Variants in RRP12 observed in about 807,000 individuals in gnomAD.
RRP12 encodes the protein ribosomal RNA processing 12 homolog.
RRP12 carries 78 observed loss-of-function variants against 157.3 expected under a neutral mutation model. That is an observed-to-expected ratio of 0.50 (90% CI 0.41 to 0.60). The LOEUF (loss-of-function observed/expected upper bound fraction) is 0.60, where lower values mean the gene tolerates loss of function less well. Among genes scored for constraint, RRP12 ranks in the 20% least tolerant of loss-of-function variants. The probability of loss-of-function intolerance (pLI) is 0.00; values close to 1 mark genes in which losing one functional copy is unlikely to be tolerated. For missense variants in RRP12, 1,521 were observed against 1,679.9 expected, an observed-to-expected ratio of 0.91 and a Z score of 1.65; for synonymous variants, 726 against 670.9, an observed-to-expected ratio of 1.08 and a Z score of -1.27.
chr10:97,388,350 T>G lies in RRP12; in HGVS notation c.919A>C (p.Met307Leu). The change falls in exon 8 of 34, where the codon ATG (methionine) becomes CTG (leucine). Residue 307 changes from methionine to leucine, a missense_variant. Physicochemically the swap from Met to Leu is conservative, Grantham distance 15 (BLOSUM62 2). Coordinates refer to ENST00000370992, the MANE Select transcript of RRP12 (RefSeq NM_015179.4). ...GSKEATTTLH[M>L]LTLLKDLLPC... is the part of the protein sequence containing the mutation. Reference sequence around the variant, plus strand: ...AGCAGGTCCTTCAGCAGCGTCAGCATGTGCAGCGTGGTGGTGGCCTCCTTG... The same window carrying G: ...AGCAGGTCCTTCAGCAGCGTCAGCAGGTGCAGCGTGGTGGTGGCCTCCTTG... 4 of 1,613,948 alleles carry G rather than the reference T, an allele frequency of 2.5e-6. No individual in the cohort carries two copies. The highest frequency in any genetic ancestry group is 3.4e-6 in the Non-Finnish European group (4 of 1,179,988).
At position 97,357,584 on chromosome 10, in the gene RRP12, A is replaced by G. The variant is rs867355273; in HGVS notation, c.3792-388T>C. ...CCAAAGCAGTCCTACACATAACCCA[A>G]TTTAAGGGCCAAAGTCGGAAACAAC... On this transcript the variant is annotated intron_variant, in intron 33 of 33. Transcript: ENST00000370992. 5.9e-5 allele frequency among the ~76,000 whole-genome samples: 9 copies of G among 152,310 alleles called. No individual in the cohort carries two copies. In the Middle Eastern group the frequency reaches 0.014, roughly 230 times the overall value.
At chr10:97,357,642 G>A (rs987919906) in intron 33 of RRP12, among the ~76,000 whole-genome samples, 1 of 152,164 alleles carries the variant, frequency 6.6e-6, no homozygotes, top group Non-Finnish European at 1.5e-5. Flanking sequence ...GATTAGAAAA[G>A]CAAATTATAC....
Position 97,369,542 on chromosome 10 carries a change from A to G in RRP12, c.2838T>C (p.Asn946=), listed in dbSNP as rs767704853. ...GTSTVEQLLE[N]VCLLLASRTR... is the part of the protein sequence containing the mutation. ...TGCGGGAGGCCAGAAGCAGGCACAC[A>G]TTCTCCAGCAGCTGCTCCACTGTAC... The change falls in exon 25 of 34, where the codon AAT becomes AAC. Residue 946 remains asparagine (N), a synonymous_variant. Coordinates refer to ENST00000370992, the MANE Select transcript of RRP12 (RefSeq NM_015179.4). The G allele has an allele frequency of 2.5e-6, 4 of 1,582,746 alleles. No individual in the cohort carries two copies. In the African/African-American group the frequency reaches 4.0e-5, roughly 16 times the overall value.
chr10:97,373,030 C>G lies in RRP12; in HGVS notation c.2181+16G>C. 6.2e-7 allele frequency: 1 copy of G among 1,600,544 alleles called. No individual in the cohort carries two copies. Among genetic ancestry groups the G allele is most frequent in the South Asian group, 1.1e-5 (1 of 89,928 alleles). On this transcript the variant is annotated intron_variant, in intron 18 of 33. Coordinates refer to ENST00000370992, the MANE Select transcript of RRP12 (RefSeq NM_015179.4). ...GAGCTCCCCTCCTCCCTCCTTCCCTCCCTTCCGTGGCTCACCTGAGTGTCA... is the reference window on the plus strand; with the variant it reads ...GAGCTCCCCTCCTCCCTCCTTCCCTGCCTTCCGTGGCTCACCTGAGTGTCA...
At chr10:97,400,631 AC>A (rs1358077579) in intron 1 of RRP12, 97 bp from the exon 2 acceptor site, 1 of 928,906 alleles carries the variant, frequency 1.1e-6, no homozygotes, top group Non-Finnish European at 1.6e-6. Context: ...CAAATCTCCA[AC>A]CCGAGAGGCT....
rs766134739 is a variant in RRP12, at chr10:97,372,775, C to T, written c.2210G>A (p.Ser737Asn). The change falls in exon 19 of 34, where the codon AGT becomes AAT. Residue 737 changes from serine (S) to asparagine (N), a missense_variant. By Grantham distance (46) the Ser-to-Asn change is conservative. Transcript: ENST00000370992. Reference sequence around the variant, plus strand: ...GCTGGCAGGGTCGAGCACCTTCTCACTGGCTTTTTCCAGGAGACTGTTCAC... The same window carrying T: ...GCTGGCAGGGTCGAGCACCTTCTCATTGGCTTTTTCCAGGAGACTGTTCAC... ...QLVNSLLEKA[S>N]EKVLDPASSD... The T allele has an allele frequency of 1.9e-6, 3 of 1,563,872 alleles. No homozygotes were observed. Among genetic ancestry groups the T allele is most frequent in the Non-Finnish European group, 2.6e-6 (3 of 1,153,538 alleles).
intron 2 of RRP12, among the ~76,000 whole-genome samples, chr10:97,399,125 T>C (rs974750751): frequency 1.3e-5 from 2 of 151,636 alleles, no homozygotes; most frequent in East Asian, 1.9e-4. Context: ...AACAGAAAAT[T>C]AGCCGGGCAT....
At position 97,366,532 on chromosome 10, in the gene RRP12, C is replaced by A; in HGVS notation, c.3305G>T (p.Arg1102Leu). 6.2e-7 allele frequency: 1 copy of A among 1,614,158 alleles called. No homozygotes were observed. The highest frequency in any genetic ancestry group is 8.5e-7 in the Non-Finnish European group (1 of 1,180,042). Residue 1102 changes from arginine to leucine, a missense_variant, in exon 28 of 34, where the codon CGA becomes CTA. Coordinates refer to ENST00000370992, the MANE Select transcript of RRP12 (RefSeq NM_015179.4). ...TTTCAGCCATGCCCGGCTCCTCTGT[C>A]GTGCCAGCTTCCGCTGCTCCTTGCC... ...SRGKEQRKLA[R>L]QRSRAWLKEG...
chr10:97,363,740 C>T, intron 30 of RRP12, 114 bp downstream of exon 30: 1 of 968,964 alleles, frequency 1.0e-6, no homozygotes, highest in African/African-American at 1.6e-5. Flanking sequence ...TGAGGATGCA[C>T]CGAGCATTCC....
Position 97,400,525 on chromosome 10 carries a change from T to G in RRP12, c.149A>C (p.Asp50Ala). Residue 50 changes from aspartate to alanine, a missense_variant, in exon 2 of 34, where the codon GAC (aspartate) becomes GCC (alanine). Physicochemically the swap from Asp to Ala is moderately radical, Grantham distance 126. Transcript: ENST00000370992. ...RFFSRPSGRS[D>A]LTVDAVKLHN... is the part of the protein sequence containing the mutation. ...TAACTTCACAGCATCGACTGTCAGG[T>G]CACTCCTTCCTGAGAGCCAGAGGCA... is the stretch of plus-strand genomic sequence containing the variant. 1 of 1,613,352 alleles carries G rather than the reference T, an allele frequency of 6.2e-7. No homozygotes were observed. The highest frequency in any genetic ancestry group is 1.3e-5 in the African/African-American group (1 of 74,990).
chr10:97,363,928 T>A, intron 29 of RRP12, 25 bp from the exon 30 acceptor site: 1 of 1,611,632 alleles, frequency 6.2e-7, no homozygotes, highest in Non-Finnish European at 8.5e-7. Flanking sequence ...GAGAGGCCCA[T>A]GAGCGCTGTG....
At chr10:97,360,674 G>T in intron 30 of RRP12, 56 bp from the exon 31 acceptor site, 1 of 1,346,228 alleles carries the variant, frequency 7.4e-7, no homozygotes, top group Non-Finnish European at 1.1e-6. Flanking sequence ...CCCACCCTCG[G>T]GAATGCCAAC....
At chr10:97,365,922 G>A (rs991077111) in intron 29 of RRP12, 186 bp downstream of exon 29, 3 of 720,806 alleles carry the variant, frequency 4.2e-6, no homozygotes, top group Admixed American at 2.6e-5. Context: ...TTGTATAAAT[G>A]GCTCGGTTAC....
chr10:97,365,873 A>G, intron 29 of RRP12: 1 of 552,980 alleles, frequency 1.8e-6, no homozygotes, highest in Non-Finnish European at 3.2e-6. Context: ...AGTAAGGGGA[A>G]GTACCATTTC....
At chr10:97,391,668 TC>T (rs1844807209) in intron 4 of RRP12, among the ~76,000 whole-genome samples, 1 of 152,186 alleles carries the variant, frequency 6.6e-6, no homozygotes, top group African/African-American at 2.4e-5. Flanking sequence ...ACGCCTGTAA[TC>T]CCAGCAGTTT....
rs1400343421 is a variant in RRP12, at chr10:97,372,120, C to T, written c.2296G>A (p.Glu766Lys). ...LVVALAPCADEAAISKLYSTI... is the reference protein window; with the variant it reads ...LVVALAPCADKAAISKLYSTI... Reference sequence around the variant, plus strand: ...GAGTATAGCTTACTGATGGCAGCTTCGTCAGCACACGGAGCCAAGGCCACG... The same window carrying T: ...GAGTATAGCTTACTGATGGCAGCTTTGTCAGCACACGGAGCCAAGGCCACG... The change falls in exon 20 of 34, where the codon GAA becomes AAA. Residue 766 changes from glutamate (E) to lysine (K), a missense_variant. Physicochemically the swap from Glu to Lys is moderately conservative, Grantham distance 56 (BLOSUM62 1). Transcript: ENST00000370992. 11 of 1,613,730 alleles carry T rather than the reference C, an allele frequency of 6.8e-6. No individual in the cohort carries two copies. Among genetic ancestry groups the T allele is most frequent in the Admixed American group, 1.7e-5 (1 of 60,012 alleles).
intron 2 of RRP12, among the ~76,000 whole-genome samples, chr10:97,396,727 G>A (rs1387249665): frequency 6.6e-6 from 1 of 152,058 alleles, no homozygotes; most frequent in Non-Finnish European, 1.5e-5. Flanking sequence ...TATAAAAAAT[G>A]GTGTAGTATT....
At position 97,398,040 on chromosome 10, in the gene RRP12, T is replaced by TG. The variant is rs1491347075; in HGVS notation, c.370-1740_370-1739insC. On this transcript the variant is annotated intron_variant, in intron 2 of 33. Coordinates refer to ENST00000370992, the MANE Select transcript of RRP12 (RefSeq NM_015179.4). Reference sequence around the variant, plus strand: ...ATATATATGTATATATATATACGTATTTTTTTTTTTTTTTTTTTTTTTTTT... The same window carrying TG: ...ATATATATGTATATATATATACGTATGTTTTTTTTTTTTTTTTTTTTTTTTT... Among the ~76,000 whole-genome samples the TG allele has an allele frequency of 1.5e-4, 5 of 33,610 alleles. 1 individual carries two copies. The highest frequency in any genetic ancestry group is 8.3e-4 in the African/African-American group (5 of 6,024). 22.0% of individuals were successfully genotyped at this position (33,610 alleles called of 152,430 possible).
chr10:97,395,254 TTAATG>T (rs1364373467), intron 3 of RRP12, among the ~76,000 whole-genome samples: 6 of 151,494 alleles, frequency 4.0e-5, no homozygotes, highest in Non-Finnish European at 7.4e-5. Context: ...ATTTATTTAT[TTAATG>T]TAATAAGTAG....
Sources: gnomAD v4.1 joint callset for allele counts (sites outside exome capture counted in the v4.1 genomes callset) on GRCh38, gnomAD v4.1.1 for gene constraint, MANE v1.5 for transcripts, NCBI Gene and HGNC (gene_info 2026-07-23, HGNC 2026-07-21) for gene names.